The following FHIP1A variants were observed in gnomAD, a reference collection of about 807,000 sequenced individuals.
FHIP1A encodes FHF complex subunit HOOK interacting protein 1A, also known as FHF complex subunit HOOK-interacting protein 1A.
Under a neutral mutation model 88.6 loss-of-function variants are expected in FHIP1A, and 61 were observed. That is an observed-to-expected ratio of 0.69 (90% CI 0.56 to 0.85). The LOEUF is 0.85. FHIP1A is among the 40% of genes least tolerant of loss of function. The pLI is 0.00. For missense variants in FHIP1A, 1,154 were observed against 1,273.5 expected (o/e 0.91, Z 1.43); for synonymous variants, 478 against 496.0 (o/e 0.96, Z 0.48).
intron 5 of FHIP1A, among the ~76,000 whole-genome samples, chr4:151,581,106 G>A (rs1259153342): frequency 1.3e-5 from 2 of 152,106 alleles, no homozygotes; most frequent in Non-Finnish European, 2.9e-5. Context: ...TGATCTGCCC[G>A]CCCAGCCTCC....
intron 5 of FHIP1A, among the ~76,000 whole-genome samples, chr4:151,578,698 T>C (rs1733907027): frequency 6.6e-6 from 1 of 152,168 alleles, no homozygotes; most frequent in East Asian, 1.9e-4. Context: ...AGTTTCTTAC[T>C]AAACTAAACA....
intron 7 of FHIP1A, among the ~76,000 whole-genome samples, chr4:151,602,937 G>T (rs78763978): frequency 3.0e-4 from 45 of 152,282 alleles, no homozygotes; most frequent in African/African-American, 1.1e-3. Flanking sequence ...CTACCTAAAA[G>T]AGATGACTGC....
intron 5 of FHIP1A, among the ~76,000 whole-genome samples, chr4:151,579,795 A>G (rs1733953679): frequency 1.3e-5 from 2 of 152,222 alleles, no homozygotes; most frequent in Non-Finnish European, 2.9e-5. Flanking sequence ...AGTTTTTATT[A>G]TGAGAAAAAA....
intron 11 of FHIP1A, among the ~76,000 whole-genome samples, chr4:151,654,046 C>A (rs1024171579): frequency 2.0e-5 from 3 of 151,636 alleles, no homozygotes; most frequent in African/African-American, 7.3e-5. Context: ...CTTACCAGAT[C>A]CCCCTCACAT....
rs114232021 is a variant in FHIP1A, at chr4:151,509,587, C to T, written c.-123+26939C>T. On this transcript the variant is annotated intron_variant, in intron 3 of 13. Coordinates refer to ENST00000435205, the MANE Select transcript of FHIP1A (RefSeq NM_001109977.3). The stretch of plus-strand genomic sequence containing the variant: ...GCTCATTTTTGTGTGAAATGTACCT[C>T]GGTTGTCATTCTCAGCTGACACATA... 2.6e-3 allele frequency among the ~76,000 whole-genome samples: 401 copies of T among 152,152 alleles called. 1 individual carries two copies. Among genetic ancestry groups the T allele is most frequent in the African/African-American group, 9.2e-3 (383 of 41,486 alleles).
chr4:151,552,153 A>T (rs62329091), intron 3 of FHIP1A, among the ~76,000 whole-genome samples: 1 of 152,022 alleles, frequency 6.6e-6, no homozygotes, highest in African/African-American at 2.4e-5. Context: ...TTAGAATGGC[A>T]ATCATTAAAA....
intron 1 of FHIP1A, among the ~76,000 whole-genome samples, chr4:151,450,870 C>G (rs185764508): frequency 2.0e-5 from 3 of 151,930 alleles, no homozygotes; most frequent in Admixed American, 1.3e-4. Context: ...TTCTGACTCC[C>G]GGGTTCAAGT....
intron 3 of FHIP1A, among the ~76,000 whole-genome samples, chr4:151,526,942 C>G (rs1188554832): frequency 1.3e-5 from 2 of 150,750 alleles, no homozygotes; most frequent in African/African-American, 2.4e-5. Context: ...CGGGCAGAGA[C>G]GCTCCTCACT....
At chr4:151,598,427 C>T (rs1214232127) in intron 7 of FHIP1A, among the ~76,000 whole-genome samples, 1 of 152,148 alleles carries the variant, frequency 6.6e-6, no homozygotes, top group Non-Finnish European at 1.5e-5. Flanking sequence ...AAATCACCCA[C>T]CTTCTGCATT....
At chr4:151,544,059 A>G (rs1398773904) in intron 3 of FHIP1A, among the ~76,000 whole-genome samples, 1 of 152,208 alleles carries the variant, frequency 6.6e-6, no homozygotes, top group Non-Finnish European at 1.5e-5. Flanking sequence ...GGCAATAAGC[A>G]CATGGTACTC....
At chr4:151,438,595 C>T (rs1007150556) in intron 1 of FHIP1A, among the ~76,000 whole-genome samples, 4 of 124,626 alleles carry the variant, frequency 3.2e-5, no homozygotes, top group South Asian at 2.5e-4. Context: ...AAAGTAATTG[C>T]GGTTTTTGCC....
chr4:151,413,500 G>A (rs1732758109), intron 1 of FHIP1A, among the ~76,000 whole-genome samples: 1 of 152,092 alleles, frequency 6.6e-6, no homozygotes, highest in Non-Finnish European at 1.5e-5. Flanking sequence ...TGTTGCCCAG[G>A]CTGGAGTGCG....
At chr4:151,612,682 T>TC (rs1735371388) in intron 7 of FHIP1A, among the ~76,000 whole-genome samples, 1 of 152,154 alleles carries the variant, frequency 6.6e-6, no homozygotes, top group Non-Finnish European at 1.5e-5. Flanking sequence ...GCACTCAGTC[T>TC]CCCATATTAA....
At chr4:151,521,497 T>A (rs1454736037) in intron 3 of FHIP1A, among the ~76,000 whole-genome samples, 2 of 152,196 alleles carry the variant, frequency 1.3e-5, no homozygotes, top group Non-Finnish European at 2.9e-5. Context: ...CTCTGCGGTC[T>A]AATCAGGGTC....
At chr4:151,612,388 G>T (rs945222308) in intron 7 of FHIP1A, among the ~76,000 whole-genome samples, 1 of 152,076 alleles carries the variant, frequency 6.6e-6, no homozygotes, top group African/African-American at 2.4e-5. Context: ...TTTTGTTTTT[G>T]TTTTTGTTTT....
At chr4:151,585,309 A>G (rs1734170021) in intron 5 of FHIP1A, among the ~76,000 whole-genome samples, 2 of 152,028 alleles carry the variant, frequency 1.3e-5, no homozygotes. Flanking sequence ...CTTCCTGAGT[A>G]GCTGGGATTA....
chr4:151,515,192 A>G (rs1731182392), intron 3 of FHIP1A, among the ~76,000 whole-genome samples: 1 of 152,138 alleles, frequency 6.6e-6, no homozygotes. Flanking sequence ...AAACAGAACC[A>G]AAGACAAAAA....
At chr4:151,453,502 T>C (rs941643562) in intron 1 of FHIP1A, among the ~76,000 whole-genome samples, 7 of 152,228 alleles carry the variant, frequency 4.6e-5, no homozygotes, top group Admixed American at 3.9e-4. Flanking sequence ...TACAAGTTTA[T>C]TGTATGCATT....
intron 1 of FHIP1A, among the ~76,000 whole-genome samples, chr4:151,421,157 A>G (rs925005230): frequency 6.6e-6 from 1 of 152,178 alleles, no homozygotes; most frequent in Non-Finnish European, 1.5e-5. Context: ...TATATTCTGT[A>G]TAGCACATTT....
Sources: allele counts gnomAD v4.1 joint callset (sites outside exome capture counted in the v4.1 genomes callset), GRCh38; gene constraint gnomAD v4.1.1; transcripts MANE v1.5; gene names NCBI Gene and HGNC (gene_info 2026-07-23, HGNC 2026-07-21).